The following KAZN variants were observed in gnomAD, a reference collection of about 807,000 sequenced individuals.
KAZN encodes the protein kazrin, periplakin interacting protein, also known as kazrin.
A neutral mutation model predicts 87.4 loss-of-function variants in KAZN; 40 were observed. That is an observed-to-expected ratio of 0.46 (90% CI 0.36 to 0.60). KAZN has a LOEUF of 0.60. Among genes scored for constraint, KAZN ranks in the 20% least tolerant of loss-of-function variants. The pLI, the probability that KAZN is intolerant of heterozygous loss-of-function variation, is 0.00. For synonymous variants in KAZN, 466 were observed against 458.3 expected (o/e 1.02, Z -0.22); for missense variants, 898 against 1,073.9 (o/e 0.84, Z 2.29).
chr1:14,171,302 T>G (rs537131967), intron 1 of KAZN, among the ~76,000 whole-genome samples: 1 of 152,312 alleles, frequency 6.6e-6, no homozygotes, highest in Admixed American at 6.5e-5. Flanking sequence ...TTTGCTTATA[T>G]ACCTAAGAGT....
intron 1 of KAZN, among the ~76,000 whole-genome samples, chr1:14,638,581 A>AAAACAAAAAACAAAAAAAAAAAC (rs1680182461): frequency 5.0e-5 from 2 of 39,642 alleles, no homozygotes; most frequent in African/African-American, 1.8e-4. Context: ...AAAAAAAACA[A>AAAACAAAAAACAAAAAAAAAAAC]AAAAAAAAAA....
chr1:14,588,138 T>C (rs1171978567), intron 2 of KAZN, among the ~76,000 whole-genome samples: 1 of 152,168 alleles, frequency 6.6e-6, no homozygotes, highest in Non-Finnish European at 1.5e-5. Context: ...TTCTTCCTCA[T>C]AGGGTTGACA....
At chr1:14,314,293 A>G (rs1655502464) in intron 2 of KAZN, among the ~76,000 whole-genome samples, 1 of 152,178 alleles carries the variant, frequency 6.6e-6, no homozygotes, top group Non-Finnish European at 1.5e-5. Flanking sequence ...TAGATTTGTC[A>G]GAAACTTCTA....
At chr1:14,755,106 A>T (rs940547655) in intron 1 of KAZN, among the ~76,000 whole-genome samples, 12 of 149,632 alleles carry the variant, frequency 8.0e-5, no homozygotes, top group African/African-American at 2.9e-4. Context: ...AAAAAAAAAT[A>T]GCCAGGTGTG....
chr1:14,925,634 A>G (rs1210623019), intron 1 of KAZN, among the ~76,000 whole-genome samples: 1 of 152,196 alleles, frequency 6.6e-6, no homozygotes, highest in African/African-American at 2.4e-5. Flanking sequence ...TCTTAGCACC[A>G]TAATACCTCT....
At chr1:14,792,427 T>C (rs1202979283) in intron 1 of KAZN, among the ~76,000 whole-genome samples, 1 of 152,186 alleles carries the variant, frequency 6.6e-6, no homozygotes, top group African/African-American at 2.4e-5. Context: ...CCAAACGTGG[T>C]GGCTTATGCT....
At chr1:14,155,869 C>T (rs778365400) in intron 1 of KAZN, among the ~76,000 whole-genome samples, 3 of 152,088 alleles carry the variant, frequency 2.0e-5, no homozygotes, top group Admixed American at 6.5e-5. Flanking sequence ...AAGCTGATCT[C>T]GAACTCCTGG....
intron 2 of KAZN, among the ~76,000 whole-genome samples, chr1:14,210,447 C>T (rs1240193817): frequency 6.6e-6 from 1 of 152,300 alleles, no homozygotes; most frequent in East Asian, 1.9e-4. Context: ...ACAACACTTA[C>T]ATAGTCATCC....
chr1:14,447,208 C>CATTATTATTATTATTATTATTATT (rs55650123), intron 2 of KAZN, among the ~76,000 whole-genome samples: 1 of 131,182 alleles, frequency 7.6e-6, no homozygotes, highest in African/African-American at 2.9e-5. Context: ...GTTTCCACCA[C>CATTATTATTATTATTATTATTATT]ATTATTATTA....
chr1:14,411,068 A>T (rs1232935395), intron 2 of KAZN, among the ~76,000 whole-genome samples: 1 of 152,200 alleles, frequency 6.6e-6, no homozygotes. Flanking sequence ...GATAAATTAA[A>T]ATAAATCTAC....
chr1:14,890,676 G>A (rs1189813420), intron 1 of KAZN, among the ~76,000 whole-genome samples: 1 of 152,066 alleles, frequency 6.6e-6, no homozygotes, highest in East Asian at 1.9e-4. Context: ...ATGAATCTCA[G>A]AATGGGACCC....
At chr1:14,681,657 A>ATT (rs570137678) in intron 1 of KAZN, among the ~76,000 whole-genome samples, 1 of 8,536 alleles carries the variant, frequency 1.2e-4, no homozygotes, top group Non-Finnish European at 2.4e-4. Flanking sequence ...ATATATATAT[A>ATT]TTTTTTTTTT....
chr1:14,704,438 C>T (rs528304146), intron 1 of KAZN, among the ~76,000 whole-genome samples: 14 of 152,270 alleles, frequency 9.2e-5, no homozygotes, highest in Admixed American at 5.9e-4. Flanking sequence ...CCACTGTGTG[C>T]GTTAGAAAAA....
At chr1:14,800,133 A>G (rs1238476268) in intron 1 of KAZN, among the ~76,000 whole-genome samples, 2 of 152,180 alleles carry the variant, frequency 1.3e-5, no homozygotes, top group African/African-American at 4.8e-5. Context: ...GCAGAATCCT[A>G]ACCCAAAAGT....
At position 14,834,485 on chromosome 1, in the gene KAZN, C is replaced by A. The variant is rs139429088; in HGVS notation, c.227-126199C>A. The stretch of plus-strand genomic sequence containing the variant: ...CACACCATTCTCCTGCCTCAGCCTC[C>A]CAAGTAGCTGGGACTACAGGTGCCC... On this transcript the variant is annotated intron_variant, in intron 1 of 14. Transcript: ENST00000376030. 1.0e-2 allele frequency among the ~76,000 whole-genome samples: 1,512 copies of A among 151,858 alleles called. 13 individuals carry two copies. The highest frequency in any genetic ancestry group is 0.031 in the Middle Eastern group (9 of 292).
chr1:14,675,995 C>T (rs1300538087), intron 1 of KAZN, among the ~76,000 whole-genome samples: 5 of 152,018 alleles, frequency 3.3e-5, no homozygotes. Context: ...GAAAAAGGGG[C>T]CAAAATATAG....
intron 2 of KAZN, among the ~76,000 whole-genome samples, chr1:14,436,349 T>C (rs1666382594): frequency 6.6e-6 from 1 of 150,698 alleles, no homozygotes; most frequent in South Asian, 2.1e-4. Flanking sequence ...ATGATGACCA[T>C]GGCAGTGCTG....
At chr1:14,257,498 T>G in intron 2 of KAZN, among the ~76,000 whole-genome samples, 1 of 146,598 alleles carries the variant, frequency 6.8e-6, no homozygotes, top group East Asian at 2.0e-4. Context: ...GTCAATTTTG[T>G]CTTTTGTTGC....
intron 1 of KAZN, among the ~76,000 whole-genome samples, chr1:14,796,520 T>G (rs1384766471): frequency 6.6e-6 from 1 of 152,180 alleles, no homozygotes; most frequent in Non-Finnish European, 1.5e-5. Context: ...CGCTACAGAC[T>G]AGGGAAACTG....
Sources: allele counts gnomAD v4.1 joint callset (sites outside exome capture counted in the v4.1 genomes callset), GRCh38; gene constraint gnomAD v4.1.1; transcripts MANE v1.5; gene names NCBI Gene and HGNC (gene_info 2026-07-23, HGNC 2026-07-21).